Variants in HIPK1 observed in about 807,000 individuals in gnomAD.
The protein encoded by HIPK1 is homeodomain interacting protein kinase 1, also known as homeodomain-interacting protein kinase 1.
In HIPK1, 28 loss-of-function variants were observed where a neutral mutation model predicts 117.1. That is an observed-to-expected ratio of 0.24 (90% CI 0.18 to 0.33). HIPK1 has a LOEUF of 0.33. HIPK1 is among the 10% of genes least tolerant of loss of function. The pLI is 1.00. For missense variants in HIPK1, 1,122 were observed against 1,475.1 expected (o/e 0.76, Z 3.92); for synonymous variants, 605 against 562.5 (o/e 1.08, Z -1.07).
At chr1:113,962,482 A>G in intron 9 of HIPK1, 44 bp downstream of exon 9, 4 of 1,580,748 alleles carry the variant, frequency 2.5e-6, no homozygotes, top group Admixed American at 1.8e-5. Flanking sequence ...GCTAAACACT[A>G]TTGAGATTCA....
chr1:113,968,756 C>T (rs1001649810), intron 13 of HIPK1, 108 bp downstream of exon 13: 9 of 850,786 alleles, frequency 1.1e-5, no homozygotes, highest in South Asian at 3.0e-5. Context: ...CATGGTGGCT[C>T]ACGCCTGTAA....
At chr1:113,933,237 A>G in intron 1 of HIPK1, 7 of 977,842 alleles carry the variant, frequency 7.2e-6, no homozygotes, top group Non-Finnish European at 8.5e-6. Context: ...CTAGAAGGGT[A>G]AGTAAAAGTT....
Position 113,940,405 on chromosome 1 carries a change from T to C in HIPK1, c.22T>C (p.Phe8Leu). The C allele has an allele frequency of 6.2e-7, 1 of 1,608,502 alleles. No homozygotes were observed. Among genetic ancestry groups the C allele is most frequent in the Non-Finnish European group, 8.5e-7 (1 of 1,176,776 alleles). The change falls in exon 2 of 16, where the codon TTT becomes CTT. Residue 8 changes from phenylalanine to leucine, a missense_variant. Physicochemically the swap from Phe to Leu is conservative, Grantham distance 22. Around this residue, in one of 6 missense-constraint regions of HIPK1, gnomAD observed 192 missense variants for 234.0 expected, o/e 0.82. Transcript: ENST00000426820. ...AGGTATGGCATCACAGCTGCAAGTG[T>C]TTTCGCCCCCATCAGTGTCGTCGAG... MASQLQV[F>L]SPPSVSSSAF...
intron 10 of HIPK1, 49 bp from the exon 11 acceptor site, chr1:113,966,081 G>A (rs763233230): frequency 5.8e-6 from 9 of 1,561,984 alleles, no homozygotes; most frequent in Non-Finnish European, 7.8e-6. Context: ...AGAAGAAAAA[G>A]CCAAGAATGA....
At chr1:113,961,278 A>G (rs1672085700) in intron 8 of HIPK1, among the ~76,000 whole-genome samples, 1 of 152,236 alleles carries the variant, frequency 6.6e-6, no homozygotes, top group Admixed American at 6.5e-5. Flanking sequence ...GTTACAAAGA[A>G]GAATTCTTGA....
In HIPK1 at chr1:113,941,471, A is replaced by G. The variant is rs990172180; in HGVS notation, c.1076+12A>G. On this transcript the variant is annotated intron_variant, in intron 2 of 15. Coordinates refer to ENST00000426820, the MANE Select transcript of HIPK1 (RefSeq NM_198268.3). The surrounding 1 kb of genome is among the most constrained non-coding windows in gnomAD (Gnocchi z 4.9). ...TCACGTTACTACAGGCAAGTGGCAA[A>G]TGCTGAAAATCGTATCTTAGGCTAG... 6.3e-7 allele frequency: 1 copy of G among 1,597,644 alleles called. No homozygotes were observed. Among genetic ancestry groups the G allele is most frequent in the Non-Finnish European group, 8.6e-7 (1 of 1,167,898 alleles).
chr1:113,969,930 T>C (rs1672709534), intron 13 of HIPK1, 26 bp from the exon 14 acceptor site: 5 of 1,612,482 alleles, frequency 3.1e-6, no homozygotes, highest in Non-Finnish European at 4.2e-6. Context: ...AACAATTCAA[T>C]TTTCATGTAT....
intron 1 of HIPK1, among the ~76,000 whole-genome samples, chr1:113,934,198 T>C (rs746152446): frequency 6.6e-6 from 1 of 152,174 alleles, no homozygotes; most frequent in Admixed American, 6.5e-5. Flanking sequence ...GAGGCAAAGA[T>C]AACATTGAGC....
At chr1:113,968,765 A>G in intron 13 of HIPK1, 117 bp downstream of exon 13, 2 of 784,088 alleles carry the variant, frequency 2.6e-6, no homozygotes, top group South Asian at 3.2e-5. Context: ...TCACGCCTGT[A>G]ATCCCAGCAC....
chr1:113,958,784 C>A (rs1447076123), intron 8 of HIPK1, among the ~76,000 whole-genome samples: 1 of 152,052 alleles, frequency 6.6e-6, no homozygotes, highest in African/African-American at 2.4e-5. Flanking sequence ...AAAGAAAAAT[C>A]ATTATTTATT....
intron 4 of HIPK1, 90 bp downstream of exon 4, chr1:113,954,860 G>A: frequency 2.5e-6 from 3 of 1,201,622 alleles, no homozygotes; most frequent in Non-Finnish European, 2.4e-6. Context: ...AATTCTTCAG[G>A]TAGAGAAGGG....
chr1:113,957,862 T>G (rs1312886401), intron 7 of HIPK1, among the ~76,000 whole-genome samples: 1 of 152,190 alleles, frequency 6.6e-6, no homozygotes, highest in Non-Finnish European at 1.5e-5. Flanking sequence ...TTCGTTTTTT[T>G]TTTTTTATTT....
At chr1:113,933,136 G>T in intron 1 of HIPK1, 1 of 979,546 alleles carries the variant, frequency 1.0e-6, no homozygotes, top group South Asian at 4.7e-5. Flanking sequence ...TTCTGTTGCC[G>T]TAGTCATTCC....
chr1:113,953,935 A>G (rs755747052), intron 3 of HIPK1: 4 of 151,868 alleles, frequency 2.6e-5, no homozygotes, highest in Non-Finnish European at 5.9e-5. Flanking sequence ...GGTACACAGT[A>G]AGTACACCAG....
intron 1 of HIPK1, 84 bp downstream of exon 1, chr1:113,929,616 T>C: frequency 8.8e-7 from 1 of 1,139,400 alleles, no homozygotes; most frequent in Non-Finnish European, 1.2e-6. Flanking sequence ...GGCATTCCGT[T>C]CGTCGGGTCT....
At chr1:113,947,287 G>A (rs1294325895) in intron 2 of HIPK1, among the ~76,000 whole-genome samples, 1 of 152,142 alleles carries the variant, frequency 6.6e-6, no homozygotes, top group Non-Finnish European at 1.5e-5. Flanking sequence ...TAGAGACAAA[G>A]GTTTGCCATG....
In HIPK1 at chr1:113,973,076, C is replaced by T. The variant is rs1468086674; in HGVS notation, c.3197C>T (p.Ala1066Val). 2 of 1,530,352 alleles carry T rather than the reference C, an allele frequency of 1.3e-6. No homozygotes were observed. The highest frequency in any genetic ancestry group is 2.3e-5 in the East Asian group (1 of 44,070). The allele number at this position is 1,530,352 out of a possible 1,614,324, so 94.8% of individuals were successfully genotyped here. A position where few individuals can be genotyped will look rare whatever the true frequency, so the allele number is the denominator to read the frequency against. The change falls in exon 16 of 16, where the codon GCC (alanine) becomes GTC (valine). Residue 1066 changes from alanine (A) to valine (V), a missense_variant. By Grantham distance (64) the Ala-to-Val change is moderately conservative. This residue lies in a region of HIPK1 where 731 missense variants were observed against 860.4 expected (regional missense o/e 0.85). Transcript: ENST00000426820. ...PTSQERSSNP[A>V]PRRQQAFVAP... The stretch of plus-strand genomic sequence containing the variant: ...TCACAGGAGAGAAGCAGCAACCCAG[C>T]CCCCCGCAGGCAGCAGGCGTTTGTG...
At chr1:113,934,922 G>A (rs1158752968) in intron 1 of HIPK1, among the ~76,000 whole-genome samples, 4 of 144,766 alleles carry the variant, frequency 2.8e-5, no homozygotes, top group Non-Finnish European at 6.0e-5. Context: ...CCAGGATTTC[G>A]AGGATACAGT....
At chr1:113,965,992 T>G (rs575709909) in intron 10 of HIPK1, 138 bp from the exon 11 acceptor site, 3 of 801,446 alleles carry the variant, frequency 3.7e-6, no homozygotes, top group Non-Finnish European at 5.8e-6. Context: ...CCCTCTGACC[T>G]TTCTTTTTTA....
Sources: allele counts gnomAD v4.1 joint callset (sites outside exome capture counted in the v4.1 genomes callset), GRCh38; gene constraint gnomAD v4.1.1; regional missense constraint gnomAD v4.1.1; non-coding constraint Gnocchi (gnomAD v3.1); transcripts MANE v1.5; gene names NCBI Gene and HGNC (gene_info 2026-07-23, HGNC 2026-07-21).